Variants in USP10 observed in about 807,000 individuals in gnomAD.
The protein encoded by USP10 is ubiquitin specific peptidase 10, also known as ubiquitin carboxyl-terminal hydrolase 10.
USP10 carries 22 observed loss-of-function variants against 84.5 expected under a neutral mutation model. That is an observed-to-expected ratio of 0.26 (90% CI 0.19 to 0.37). The LOEUF is 0.37. USP10 is among the 10% of genes least tolerant of loss of function. The pLI is 1.00. For missense variants in USP10, 1,019 were observed against 998.9 expected (o/e 1.02, Z -0.27); for synonymous variants, 454 against 387.6 (o/e 1.17, Z -2.01).
chr16:84,708,079 A>G lies in USP10; in HGVS notation c.21+7968A>G, dbSNP rs890366868. On this transcript the variant is annotated intron_variant, in intron 1 of 13. Transcript: ENST00000219473. ...GGTGACAGAGCGAGACTCTTACGTC[A>G]AAAAAGAAAAGATAAGAAATATTTT... is the stretch of plus-strand genomic sequence containing the variant. 2.6e-5 allele frequency among the ~76,000 whole-genome samples: 4 copies of G among 152,214 alleles called. No homozygotes were observed. The East Asian group carries it at 7.7e-4, about 29-fold the overall frequency.
In USP10 at chr16:84,718,052, T is replaced by G. The variant is rs113320086; in HGVS notation, c.22-15383T>G. ...AATGATGAGAGAGAGATTGGGAGAT[T>G]ACTTGTCTTATAGAGTTGTAGATGC... On this transcript the variant is annotated intron_variant, in intron 1 of 13. Transcript: ENST00000219473. Among the ~76,000 whole-genome samples, 203 of 152,306 alleles carry G rather than the reference T, an allele frequency of 1.3e-3. 1 individual carries two copies. Among genetic ancestry groups the G allele is most frequent in the African/African-American group, 4.6e-3 (191 of 41,562 alleles).
intron 1 of USP10, among the ~76,000 whole-genome samples, chr16:84,714,439 C>T (rs939836574): frequency 1.3e-5 from 2 of 152,160 alleles, no homozygotes; most frequent in African/African-American, 4.8e-5. Context: ...CCTCTTTAGC[C>T]TCCCAAAATG....
At chr16:84,738,170 C>A (rs1411651426) in intron 2 of USP10, among the ~76,000 whole-genome samples, 5 of 152,106 alleles carry the variant, frequency 3.3e-5, no homozygotes, top group African/African-American at 1.2e-4. Flanking sequence ...TCTCTCGGGT[C>A]TGGAGGTTTC....
At chr16:84,707,519 G>A (rs55689833) in intron 1 of USP10, among the ~76,000 whole-genome samples, 2,668 of 152,244 alleles carry the variant, frequency 0.018, 80 homozygotes, top group African/African-American at 0.061. Flanking sequence ...TTTTTCCACT[G>A]GAGTATTTTG....
At position 84,779,006 on chromosome 16, in the gene USP10, A is replaced by C; in HGVS notation, c.2321A>C (p.Asn774Thr). The C allele has an allele frequency of 1.9e-6, 3 of 1,614,052 alleles. No individual in the cohort carries two copies. Among genetic ancestry groups the C allele is most frequent in the Non-Finnish European group, 2.5e-6 (3 of 1,179,900 alleles). Residue 774 changes from asparagine (N) to threonine (T), a missense_variant, in exon 14 of 14, where the codon AAC becomes ACC. By Grantham distance (65) the Asn-to-Thr change is moderately conservative (BLOSUM62 0). Around this residue, in one of 2 missense-constraint regions of USP10, gnomAD observed 232 missense variants for 290.1 expected, o/e 0.80. Coordinates refer to ENST00000219473, the MANE Select transcript of USP10 (RefSeq NM_005153.3). ...RIDDQTVKVI[N>T]QYQVVKPTAE... ...GATGACCAGACAGTCAAGGTGATCA[A>C]CCAGTACCAGGTGGTGAAACCAACT...
At position 84,779,050 on chromosome 16, in the gene USP10, C is replaced by A. The variant is rs769353453; in HGVS notation, c.2365C>A (p.Leu789Ile). 35 of 1,613,818 alleles carry A rather than the reference C, an allele frequency of 2.2e-5. No homozygotes were observed. In the African/African-American group the frequency reaches 4.1e-4, roughly 19 times the overall value. Residue 789 changes from leucine to isoleucine, a missense_variant, in exon 14 of 14, where the codon CTC becomes ATC. Physicochemically the swap from Leu to Ile is conservative, Grantham distance 5 (BLOSUM62 2). Coordinates refer to ENST00000219473, the MANE Select transcript of USP10 (RefSeq NM_005153.3). ...VKPTAERTAY[L>I]LYYRRVDLL ...ACCAACTGCTGAACGCACAGCCTAC[C>A]TCCTGTATTACCGCCGAGTGGACCT... is the stretch of plus-strand genomic sequence containing the variant.
intron 3 of USP10, among the ~76,000 whole-genome samples, chr16:84,743,970 A>G (rs992654260): frequency 6.6e-6 from 1 of 152,192 alleles, no homozygotes; most frequent in African/African-American, 2.4e-5. Flanking sequence ...ACTTAATTGA[A>G]GGTTACCAGC....
chr16:84,778,091 C>CTGTGTGTGTGTGTGTGTGTT (rs1915202397), intron 13 of USP10, among the ~76,000 whole-genome samples: 1 of 143,432 alleles, frequency 7.0e-6, no homozygotes, highest in Non-Finnish European at 1.5e-5. Flanking sequence ...AAGTAAATAA[C>CTGTGTGTGTGTGTGTGTGTT]TGTGTGTGTG....
intron 13 of USP10, among the ~76,000 whole-genome samples, chr16:84,777,771 A>G (rs908502456): frequency 1.2e-4 from 19 of 152,068 alleles, no homozygotes; most frequent in Non-Finnish European, 2.4e-4. Context: ...GAACCTGGTG[A>G]TGTTTGGTCT....
intron 11 of USP10, among the ~76,000 whole-genome samples, chr16:84,771,511 CAAAA>C (rs1472976771): frequency 2.0e-5 from 3 of 152,092 alleles, no homozygotes; most frequent in Admixed American, 6.5e-5. Context: ...AACAAACAAA[CAAAA>C]AAACCCACCT....
At chr16:84,733,071 C>T (rs1213969965) in intron 1 of USP10, 4 of 459,566 alleles carry the variant, frequency 8.7e-6, no homozygotes, top group South Asian at 3.1e-5. Context: ...GCAGAGAAAG[C>T]GGAAATGGAG....
intron 1 of USP10, among the ~76,000 whole-genome samples, chr16:84,700,608 G>C (rs1355740084): frequency 6.6e-6 from 1 of 152,208 alleles, no homozygotes; most frequent in African/African-American, 2.4e-5. Flanking sequence ...CAGCTTGATT[G>C]ATGATGCGGG....
intron 1 of USP10, among the ~76,000 whole-genome samples, chr16:84,710,035 C>T (rs1460787998): frequency 3.3e-5 from 5 of 152,026 alleles, no homozygotes; most frequent in East Asian, 1.9e-4. Flanking sequence ...TTTGGGAGAC[C>T]GAAGTAGACG....
chr16:84,763,154 A>G lies in USP10; in HGVS notation c.1654+66A>G, dbSNP rs937045560. On this transcript the variant is annotated intron_variant, in intron 9 of 13. Coordinates refer to ENST00000219473, the MANE Select transcript of USP10 (RefSeq NM_005153.3). Reference sequence around the variant, plus strand: ...CGCTGTAAACAGGTGTTGCATACTCATATGTTATGTTGCTTCCCTGCCCCT... The same window carrying G: ...CGCTGTAAACAGGTGTTGCATACTCGTATGTTATGTTGCTTCCCTGCCCCT... 8.2e-6 allele frequency: 8 copies of G among 972,862 alleles called. No individual in the cohort carries two copies. In the Admixed American group the frequency reaches 1.2e-4, roughly 14 times the overall value. 60.3% of individuals were successfully genotyped at this position (972,862 alleles called of 1,614,324 possible). A position where few individuals can be genotyped will look rare whatever the true frequency, so the allele number is the denominator to read the frequency against.
chr16:84,702,810 T>C (rs1048439131), intron 1 of USP10, among the ~76,000 whole-genome samples: 3 of 151,914 alleles, frequency 2.0e-5, no homozygotes, highest in African/African-American at 7.3e-5. Context: ...CTGACCAATA[T>C]AGTGAGACCC....
At chr16:84,740,285 T>A (rs762854981) in intron 2 of USP10, 24 bp from the exon 3 acceptor site, 12 of 1,600,978 alleles carry the variant, frequency 7.5e-6, no homozygotes, top group Non-Finnish European at 1.0e-5. Flanking sequence ...TGAATTAAAA[T>A]TTGTTTTCTG....
intron 1 of USP10, among the ~76,000 whole-genome samples, chr16:84,717,061 T>C (rs1038022284): frequency 1.3e-5 from 2 of 152,170 alleles, no homozygotes; most frequent in African/African-American, 4.8e-5. Context: ...CTGCGGGTCT[T>C]GTGAATGTGC....
chr16:84,712,663 A>C (rs1430567565), intron 1 of USP10, among the ~76,000 whole-genome samples: 2 of 152,186 alleles, frequency 1.3e-5, no homozygotes, highest in Non-Finnish European at 2.9e-5. Context: ...CTGATGAAGA[A>C]GAGGTGGCTG....
At chr16:84,707,712 T>C (rs1404893768) in intron 1 of USP10, among the ~76,000 whole-genome samples, 1 of 152,190 alleles carries the variant, frequency 6.6e-6, no homozygotes, top group Admixed American at 6.6e-5. Flanking sequence ...CAGGATCCAG[T>C]GTGCAGGGGA....
Sources: allele counts gnomAD v4.1 joint callset (sites outside exome capture counted in the v4.1 genomes callset), GRCh38; gene constraint gnomAD v4.1.1; regional missense constraint gnomAD v4.1.1; transcripts MANE v1.5; gene names NCBI Gene and HGNC (gene_info 2026-07-23, HGNC 2026-07-21).